The following COL6A3 variants were observed in gnomAD, a reference collection of about 807,000 sequenced individuals.
The protein encoded by COL6A3 is collagen type VI alpha 3 chain.
A neutral mutation model predicts 274.1 loss-of-function variants in COL6A3; 137 were observed. The ratio of observed to expected loss-of-function variants is 0.50; its 90% CI spans 0.44 to 0.58. The LOEUF (loss-of-function observed/expected upper bound fraction) is 0.58. Among genes scored for constraint, COL6A3 ranks in the 20% least tolerant of loss-of-function variants. The pLI is 0.00. For synonymous variants in COL6A3, 1,650 were observed against 1,650.6 expected, an observed-to-expected ratio of 1.00 and a Z score of 0.01; for missense variants, 3,950 against 4,124.9, an observed-to-expected ratio of 0.96 and a Z score of 1.16.
chr2:237,357,890 C>T lies in COL6A3; in HGVS notation c.6472-8G>A, dbSNP rs2077351934. On this transcript the variant is annotated splice_region_variant and splice_polypyrimidine_tract_variant and intron_variant, in intron 21 of 43. Transcript: ENST00000295550. ...GTCTTGTCCTGGGTTACCCTGAAAG[C>T]AACATGGGAAAGGGAAATGAGCCAC... The T allele has an allele frequency of 1.2e-6, 2 of 1,613,908 alleles. No individual in the cohort carries two copies. The highest frequency in any genetic ancestry group is 8.5e-7 in the Non-Finnish European group (1 of 1,179,854).
intron 5 of COL6A3, 41 bp downstream of exon 5, chr2:237,380,874 G>C (rs911217888): frequency 1.3e-6 from 2 of 1,587,172 alleles, no homozygotes; most frequent in South Asian, 2.2e-5. Context: ...GCCCTGCCTG[G>C]AGACCACCCC....
At position 237,332,096 on chromosome 2, in the gene COL6A3, T is replaced by TA. The variant is rs1700278349; in HGVS notation, c.9328+1353dup. Among the ~76,000 whole-genome samples the TA allele has an allele frequency of 1.1e-4, 4 of 38,088 alleles. 1 individual carries two copies. Among genetic ancestry groups the TA allele is most frequent in the Non-Finnish European group, 1.8e-4 (4 of 21,804 alleles). The allele number at this position is 38,088 out of a possible 152,430, so 25.0% of individuals were successfully genotyped here. A position where few individuals can be genotyped will look rare whatever the true frequency, so the allele number is the denominator to read the frequency against. On this transcript the variant is annotated intron_variant, in intron 42 of 43. Coordinates refer to ENST00000295550, the MANE Select transcript of COL6A3 (RefSeq NM_004369.4). Reference sequence around the variant, plus strand: ...ATATATATATATATATATATATATATATATATATATATATATATATATGAA... The same window carrying TA: ...ATATATATATATATATATATATATATAATATATATATATATATATATATGAA...
chr2:237,410,751 C>A (rs187349877), intron 1 of COL6A3, among the ~76,000 whole-genome samples: 13 of 152,314 alleles, frequency 8.5e-5, no homozygotes, highest in Admixed American at 7.8e-4. Flanking sequence ...ATAAGACATT[C>A]ATGACCACAC....
chr2:237,343,671 A>C (rs2077040488), intron 36 of COL6A3: 1 of 155,346 alleles, frequency 6.4e-6, no homozygotes, highest in Non-Finnish European at 1.4e-5. Context: ...AGCTTTGCAC[A>C]GTGGTGTGGT....
intron 36 of COL6A3, 119 bp from the exon 37 acceptor site, chr2:237,342,280 A>C: frequency 3.8e-6 from 3 of 779,962 alleles, no homozygotes; most frequent in African/African-American, 1.7e-5. Flanking sequence ...CCAATAGGGC[A>C]GTATTGGGAA....
rs1413879681 is a variant in COL6A3 at position 237,371,074 on chromosome 2, T to C, written c.4285+658A>G. On this transcript the variant is annotated intron_variant, in intron 9 of 43. Coordinates refer to ENST00000295550, the MANE Select transcript of COL6A3 (RefSeq NM_004369.4). This position sits in a 1 kb window ranked among gnomAD's most constrained non-coding sequence, Gnocchi z 4.3. Reference sequence around the variant, plus strand: ...TAAGACTTAAGATACAGCTACAGAATCACCTCCACGTCTTGACAACATCCA... The same window carrying C: ...TAAGACTTAAGATACAGCTACAGAACCACCTCCACGTCTTGACAACATCCA... 6.6e-6 allele frequency among the ~76,000 whole-genome samples: 1 copy of C among 152,164 alleles called. No homozygotes were observed. The highest frequency in any genetic ancestry group is 2.4e-5 in the African/African-American group (1 of 41,420).
At chr2:237,411,369 G>T (rs2078851519) in intron 1 of COL6A3, among the ~76,000 whole-genome samples, 1 of 152,212 alleles carries the variant, frequency 6.6e-6, no homozygotes, top group Admixed American at 6.5e-5. Context: ...TAAGTGGGAG[G>T]TGATATCAAC....
intron 1 of COL6A3, among the ~76,000 whole-genome samples, chr2:237,402,696 G>C (rs141527930): frequency 2.0e-5 from 3 of 152,328 alleles, no homozygotes; most frequent in Admixed American, 6.5e-5. Context: ...AAGAAGATCA[G>C]AGTCTCATGA....
chr2:237,325,853 A>G (rs1574911568), intron 42 of COL6A3, 129 bp from the exon 43 acceptor site: 2 of 737,718 alleles, frequency 2.7e-6, no homozygotes, highest in East Asian at 2.7e-5. Flanking sequence ...CCAGGTGAAA[A>G]CTCCCTTAAC....
At position 237,379,162 on chromosome 2, in the gene COL6A3, A is replaced by G. The variant is rs970623100; in HGVS notation, c.1971T>C (p.Tyr657=). ...SANVGKTNFP[Y]VRDFVMNLVN... ...CTAGGTTCATTACAAAGTCGCGCAC[A>G]TAAGGGAAATTGGTTTTTCCAACGT... The change falls in exon 6 of 44, where the codon TAT becomes TAC. Residue 657 remains tyrosine (Y), a synonymous_variant. Transcript: ENST00000295550. The G allele has an allele frequency of 1.9e-5, 31 of 1,614,152 alleles. No individual in the cohort carries two copies. Among genetic ancestry groups the G allele is most frequent in the Non-Finnish European group, 2.4e-5 (28 of 1,180,058 alleles).
chr2:237,389,733 T>C (rs1394184035), intron 3 of COL6A3, among the ~76,000 whole-genome samples: 1 of 152,258 alleles, frequency 6.6e-6, no homozygotes, highest in African/African-American at 2.4e-5. Flanking sequence ...ATTTGCAGAT[T>C]AATTCTTTGC....
chr2:237,402,417 G>A (rs1004582155), intron 1 of COL6A3, among the ~76,000 whole-genome samples: 3 of 152,126 alleles, frequency 2.0e-5, no homozygotes, highest in African/African-American at 7.2e-5. Flanking sequence ...ATGAGGACAG[G>A]AAATATCATT....
At chr2:237,341,308 G>A (rs1383661173) in intron 37 of COL6A3, among the ~76,000 whole-genome samples, 158 bp from the exon 38 acceptor site, 1 of 152,174 alleles carries the variant, frequency 6.6e-6, no homozygotes, top group African/African-American at 2.4e-5. Flanking sequence ...CACTTTGGGA[G>A]GCCGAGGCAG....
In COL6A3 at chr2:237,371,237, A is replaced by G. The variant is rs138365600; in HGVS notation, c.4285+495T>C. On this transcript the variant is annotated intron_variant, in intron 9 of 43. Coordinates refer to ENST00000295550, the MANE Select transcript of COL6A3 (RefSeq NM_004369.4). This position sits in a 1 kb window ranked among gnomAD's most constrained non-coding sequence, Gnocchi z 4.3. ...ACGGTATGCATTCTCCCTGGATGCC[A>G]TGAGCAATAGACCCAACTTGTTCAG... Among the ~76,000 whole-genome samples, 115 of 152,278 alleles carry G rather than the reference A, an allele frequency of 7.6e-4. 1 individual carries two copies. Among genetic ancestry groups the G allele is most frequent in the African/African-American group, 2.5e-3 (102 of 41,556 alleles).
chr2:237,387,559 G>T (rs373762801), intron 4 of COL6A3, 23 bp downstream of exon 4: 38 of 1,613,702 alleles, frequency 2.4e-5, no homozygotes, highest in Non-Finnish European at 3.0e-5. Context: ...CTCCCACACA[G>T]ATGGTGAGAA....
rs573663410 is a variant in COL6A3 at position 237,379,245 on chromosome 2, A to G, written c.1898-10T>C. 1.3e-5 allele frequency: 21 copies of G among 1,614,054 alleles called. No individual in the cohort carries two copies. The highest frequency in any genetic ancestry group is 1.7e-5 in the Non-Finnish European group (20 of 1,180,004). On this transcript the variant is annotated splice_polypyrimidine_tract_variant and intron_variant, in intron 5 of 43. Transcript: ENST00000295550. Reference sequence around the variant, plus strand: ...CTTTTGTTTGAGTGAACTGCAGTGAAGCACAGAAAAAAAAGTGAGACATAC... The same window carrying G: ...CTTTTGTTTGAGTGAACTGCAGTGAGGCACAGAAAAAAAAGTGAGACATAC...
At chr2:237,383,400 C>T (rs973448040) in intron 4 of COL6A3, among the ~76,000 whole-genome samples, 18 of 152,190 alleles carry the variant, frequency 1.2e-4, no homozygotes, top group African/African-American at 4.1e-4. Context: ...GGCTTTCCTT[C>T]CTTCATTTAA....
rs774261088 is a variant in COL6A3 at position 237,340,563 on chromosome 2, T to C, written c.8353A>G (p.Thr2785Ala). The C allele has an allele frequency of 6.2e-7, 1 of 1,614,160 alleles. No homozygotes were observed. Among genetic ancestry groups the C allele is most frequent in the South Asian group, 1.1e-5 (1 of 91,074 alleles). ...GRKVNIKEVY[T>A]FASEPNDVFF... ...ACGTCGTTTGGCTCACTGGCGAAGGTGTATACCTCCTTGATGTTCACCTTC... is the reference window on the plus strand; with the variant it reads ...ACGTCGTTTGGCTCACTGGCGAAGGCGTATACCTCCTTGATGTTCACCTTC... Residue 2785 changes from threonine to alanine, a missense_variant, in exon 38 of 44, where the codon ACC becomes GCC. Physicochemically the swap from Thr to Ala is moderately conservative, Grantham distance 58. Around this residue, in one of 5 missense-constraint regions of COL6A3, gnomAD observed 1,284 missense variants for 1,349.7 expected, o/e 0.95. Transcript: ENST00000295550.
rs748793047 is a variant in COL6A3, at chr2:237,344,256, G to A, written c.7668+94C>T. ...ATTGGGGACGTTTTAGGAGCTATGGGACATGAAGCCACAAAGGAGCATGGA... is the reference window on the plus strand; with the variant it reads ...ATTGGGGACGTTTTAGGAGCTATGGAACATGAAGCCACAAAGGAGCATGGA... On this transcript the variant is annotated intron_variant, in intron 36 of 43. Transcript: ENST00000295550. The surrounding 1 kb of genome is among the most constrained non-coding windows in gnomAD (Gnocchi z 4.8). 6.3e-7 allele frequency: 1 copy of A among 1,585,844 alleles called. No homozygotes were observed. The highest frequency in any genetic ancestry group is 1.3e-5 in the African/African-American group (1 of 74,530).
Sources: gnomAD v4.1 joint callset for allele counts (sites outside exome capture counted in the v4.1 genomes callset) on GRCh38, gnomAD v4.1.1 for gene constraint, gnomAD v4.1.1 regional missense constraint, Gnocchi (gnomAD v3.1) non-coding constraint, MANE v1.5 for transcripts, NCBI Gene and HGNC (gene_info 2026-07-23, HGNC 2026-07-21) for gene names.